PRRC2B: variants seen among roughly 807,000 people sequenced by gnomAD.
PRRC2B encodes proline rich coiled-coil 2B.
In PRRC2B, 68 loss-of-function variants were observed where a neutral mutation model predicts 242.3. The ratio of observed to expected loss-of-function variants is 0.28; its 90% CI spans 0.23 to 0.34. PRRC2B has a LOEUF of 0.34. Ranked by LOEUF, PRRC2B falls within the 10% of genes least tolerant of loss-of-function variation. The probability of loss-of-function intolerance (pLI) is 1.00; values close to 1 mark genes in which losing one functional copy is unlikely to be tolerated. For synonymous variants in PRRC2B, 1,228 were observed against 1,173.6 expected (o/e 1.05, Z -0.95); for missense variants, 2,835 against 2,954.8 (o/e 0.96, Z 0.94).
chr9:131,479,734 T>C (rs931139018), intron 19 of PRRC2B, among the ~76,000 whole-genome samples: 2 of 152,176 alleles, frequency 1.3e-5, no homozygotes, highest in African/African-American at 4.8e-5. Context: ...CACTAACTTA[T>C]GGAAGAGAAG....
At chr9:131,394,693 T>C (rs1225002830) in intron 1 of PRRC2B, among the ~76,000 whole-genome samples, 3 of 151,428 alleles carry the variant, frequency 2.0e-5, no homozygotes, top group African/African-American at 7.3e-5. Flanking sequence ...CCCCGCCCAA[T>C]TGACGGAGCA....
At chr9:131,488,508 C>T (rs1328660887) in intron 28 of PRRC2B, among the ~76,000 whole-genome samples, 2 of 152,146 alleles carry the variant, frequency 1.3e-5, no homozygotes, top group East Asian at 1.9e-4. Flanking sequence ...GTGATCTGCC[C>T]GCCTTGGCCT....
intron 4 of PRRC2B, among the ~76,000 whole-genome samples, chr9:131,438,579 C>G (rs1019252433): frequency 6.6e-6 from 1 of 152,102 alleles, no homozygotes; most frequent in East Asian, 1.9e-4. Context: ...TTAGCAGCTG[C>G]GCAGTTTTAA....
chr9:131,486,104 G>A lies in PRRC2B; in HGVS notation c.5778G>A (p.Leu1926=). 6.2e-7 allele frequency: 1 copy of A among 1,612,808 alleles called. No individual in the cohort carries two copies. Among genetic ancestry groups the A allele is most frequent in the African/African-American group, 1.3e-5 (1 of 75,016 alleles). Residue 1926 remains leucine, a synonymous_variant, in exon 26 of 32, where the codon CTG becomes CTA. Transcript: ENST00000683519. ...ASMPGSHLPP[L]YLDGHVFASQ... ...TTCCAGGCAGCCACCTCCCGCCCCT[G>A]TACCTGGATGGCCATGTGTTTGCAA... is the stretch of plus-strand genomic sequence containing the variant.
In PRRC2B at chr9:131,498,159, C is replaced by T. The variant is rs1244502967; in HGVS notation, c.*2285C>T. The T allele has an allele frequency of 6.6e-6, 1 of 152,230 alleles. No homozygotes were observed. The highest frequency in any genetic ancestry group is 1.9e-4 in the East Asian group (1 of 5,200). 9.4% of individuals were successfully genotyped at this position (152,230 alleles called of 1,614,324 possible). A position where few individuals can be genotyped will look rare whatever the true frequency, so the allele number is the denominator to read the frequency against. On this transcript the variant is annotated 3_prime_UTR_variant, in exon 32 of 32. Coordinates refer to ENST00000683519, the MANE Select transcript of PRRC2B (RefSeq NM_013318.4). ...AATAAAAACAAAAAGGTCACCTGTT[C>T]TCCAGCCCTTTTCTCTTACCTGGTA...
intron 1 of PRRC2B, among the ~76,000 whole-genome samples, chr9:131,404,612 G>T (rs1837316545): frequency 6.6e-6 from 1 of 152,076 alleles, no homozygotes; most frequent in Non-Finnish European, 1.5e-5. Context: ...CCAGTGTGAG[G>T]AAGTTCTTGG....
At chr9:131,453,028 T>TA (rs1337491001) in intron 9 of PRRC2B, among the ~76,000 whole-genome samples, 2 of 152,244 alleles carry the variant, frequency 1.3e-5, no homozygotes, top group African/African-American at 4.8e-5. Flanking sequence ...AGTGAGATGT[T>TA]AAACTCCAAT....
chr9:131,488,113 C>T lies in PRRC2B; in HGVS notation c.6225+17C>T. On this transcript the variant is annotated intron_variant, in intron 28 of 31. Transcript: ENST00000683519. ...CTCCCACAGGTCAGGAATTCAGTCA[C>T]TCTACCCAAAGCCCTAGGCTTCTTT... 6.2e-7 allele frequency: 1 copy of T among 1,608,690 alleles called. No homozygotes were observed.
chr9:131,464,205 G>A (rs940574489), intron 11 of PRRC2B, among the ~76,000 whole-genome samples: 2 of 152,228 alleles, frequency 1.3e-5, no homozygotes, highest in African/African-American at 4.8e-5. Flanking sequence ...GACTCCCAAA[G>A]TGCTGGGATT....
At chr9:131,481,933 G>C (rs546723785) in intron 20 of PRRC2B, 125 bp downstream of exon 20, 25 of 884,544 alleles carry the variant, frequency 2.8e-5, no homozygotes, top group South Asian at 1.9e-4. Flanking sequence ...CTTGGAATTA[G>C]GTTGTTTCCA....
chr9:131,455,131 G>T lies in PRRC2B; in HGVS notation c.1176G>T (p.Glu392Asp), dbSNP rs377527197. ...AACTGAAGTTCAGTGATGATGAAGA[G>T]GAGGAAGAAGTTGTGAAGGACGGCA... ...SEKLKFSDDE[E>D]EEEVVKDGRP... is the part of the protein sequence containing the mutation. The change falls in exon 10 of 32, where the codon GAG becomes GAT. Residue 392 changes from glutamate (E) to aspartate (D), a missense_variant. Around this residue, in one of 7 missense-constraint regions of PRRC2B, gnomAD observed 626 missense variants for 685.5 expected, o/e 0.91. Transcript: ENST00000683519. 6.2e-7 allele frequency: 1 copy of T among 1,613,872 alleles called. No homozygotes were observed. The highest frequency in any genetic ancestry group is 8.5e-7 in the Non-Finnish European group (1 of 1,179,830).
chr9:131,392,128 TCA>T (rs1292007787), upstream of PRRC2B, among the ~76,000 whole-genome samples: 1 of 151,062 alleles, frequency 6.6e-6, no homozygotes, highest in Non-Finnish European at 1.5e-5. Context: ...AGATGGAGTC[TCA>T]CTCTGTCACC....
chr9:131,474,850 C>T lies in PRRC2B; in HGVS notation c.2721C>T (p.Ser907=). The T allele has an allele frequency of 1.9e-6, 3 of 1,609,470 alleles. No individual in the cohort carries two copies. Among genetic ancestry groups the T allele is most frequent in the Non-Finnish European group, 2.5e-6 (3 of 1,178,518 alleles). The stretch of plus-strand genomic sequence containing the variant: ...TCTCCTCCTGGGACAAGAACGGGAG[C>T]CCCAACAAACAGCCATCCTCGGAGC... ...FNISSWDKNG[S]PNKQPSSEPE... is the part of the protein sequence containing the mutation. Residue 907 remains serine, a synonymous_variant, in exon 16 of 32, where the codon AGC becomes AGT. Transcript: ENST00000683519.
At chr9:131,443,009 C>T (rs577284649) in intron 5 of PRRC2B, among the ~76,000 whole-genome samples, 6 of 151,992 alleles carry the variant, frequency 3.9e-5, no homozygotes, top group South Asian at 2.1e-4. Flanking sequence ...GTACAAAATG[C>T]GGAAGGACAG....
At chr9:131,490,684 C>T (rs529266819) in intron 28 of PRRC2B, 10 of 480,740 alleles carry the variant, frequency 2.1e-5, no homozygotes, top group South Asian at 1.5e-4. Context: ...TGCAGCTACC[C>T]TGTTCTCCTG....
At chr9:131,495,141 T>TG (rs774420965) in intron 31 of PRRC2B, among the ~76,000 whole-genome samples, 1 of 151,852 alleles carries the variant, frequency 6.6e-6, no homozygotes, top group African/African-American at 2.4e-5. Context: ...TCAGACCTGG[T>TG]GGGGGGCAGA....
chr9:131,428,155 C>T (rs1202551712), intron 1 of PRRC2B, among the ~76,000 whole-genome samples: 2 of 151,780 alleles, frequency 1.3e-5, no homozygotes, highest in African/African-American at 2.4e-5. Context: ...CTCCTGACCT[C>T]GTGATCCACC....
rs59335079 is a variant in PRRC2B, at chr9:131,412,467, TGTGC to T, written c.-51-17610_-51-17607del. On this transcript the variant is annotated intron_variant, in intron 1 of 31. Coordinates refer to ENST00000683519, the MANE Select transcript of PRRC2B (RefSeq NM_013318.4). ...AAACAATGCTGCCACAGTGCGGGTA[TGTGC>T]GTGCGTGCGTGCGTGCATGCACACG... Among the ~76,000 whole-genome samples the T allele has an allele frequency of 1.8e-3, 273 of 152,226 alleles. 1 individual carries two copies. The highest frequency in any genetic ancestry group is 3.1e-3 in the Non-Finnish European group (211 of 68,026).
chr9:131,429,724 G>A (rs1042723086), intron 1 of PRRC2B, among the ~76,000 whole-genome samples: 6 of 152,104 alleles, frequency 3.9e-5, no homozygotes, highest in Admixed American at 2.6e-4. Flanking sequence ...AAAGTACTGA[G>A]CATTTATTTT....
Sources: allele counts gnomAD v4.1 joint callset (sites outside exome capture counted in the v4.1 genomes callset), GRCh38; gene constraint gnomAD v4.1.1; regional missense constraint gnomAD v4.1.1; transcripts MANE v1.5; gene names NCBI Gene and HGNC (gene_info 2026-07-23, HGNC 2026-07-21).